The following CCDC158 variants were observed in gnomAD, a reference collection of about 807,000 sequenced individuals.
CCDC158 encodes the protein coiled-coil domain containing 158, also known as coiled-coil domain-containing protein 158.
CCDC158 carries 116 observed loss-of-function variants against 138.6 expected under a neutral mutation model. The observed-to-expected ratio is 0.84, with a 90% CI of 0.72 to 0.98. The LOEUF (loss-of-function observed/expected upper bound fraction) is 0.98, where lower values mean the gene tolerates loss of function less well. Among genes scored for constraint, CCDC158 ranks in the 50% least tolerant of loss-of-function variants. The pLI, the probability that CCDC158 is intolerant of heterozygous loss-of-function variation, is 0.00. For synonymous variants in CCDC158, 436 were observed against 442.4 expected (o/e 0.99, Z 0.18); for missense variants, 1,265 against 1,306.1 (o/e 0.97, Z 0.48).
chr4:76,411,681 T>G (rs1253561854), intron 2 of CCDC158, among the ~76,000 whole-genome samples: 2 of 152,220 alleles, frequency 1.3e-5, no homozygotes, highest in African/African-American at 4.8e-5. Flanking sequence ...ATCAGGAAAC[T>G]TAATTCTGTC....
chr4:76,352,479 T>A (rs1723144082), intron 16 of CCDC158: 1 of 152,084 alleles, frequency 6.6e-6, no homozygotes, highest in South Asian at 2.1e-4. Flanking sequence ...ATATAGCATG[T>A]TTTAAGAAAC....
chr4:76,319,683 A>G (rs1719823758), intron 24 of CCDC158, among the ~76,000 whole-genome samples: 2 of 151,484 alleles, frequency 1.3e-5, no homozygotes, highest in Admixed American at 6.6e-5. Flanking sequence ...AGAATTGAAA[A>G]CAATAATCAT....
chr4:76,349,909 G>T (rs1004545627), intron 18 of CCDC158, among the ~76,000 whole-genome samples: 3 of 152,154 alleles, frequency 2.0e-5, no homozygotes, highest in Admixed American at 6.5e-5. Context: ...GAGAGGAAAA[G>T]ATCAAGGTGC....
At chr4:76,347,541 A>T (rs942449334) in intron 18 of CCDC158, among the ~76,000 whole-genome samples, 4 of 152,110 alleles carry the variant, frequency 2.6e-5, no homozygotes, top group Admixed American at 2.0e-4. Context: ...GGAACATTAC[A>T]CAATAGGGCC....
intron 2 of CCDC158, among the ~76,000 whole-genome samples, chr4:76,406,472 C>A (rs1728836408): frequency 1.3e-5 from 2 of 152,186 alleles, no homozygotes; most frequent in Middle Eastern, 3.4e-3. Flanking sequence ...TAAGGTAGAC[C>A]TTTTGGCTAT....
chr4:76,378,614 T>C (rs1174074971), intron 9 of CCDC158, among the ~76,000 whole-genome samples: 1 of 152,182 alleles, frequency 6.6e-6, no homozygotes, highest in African/African-American at 2.4e-5. Flanking sequence ...TCACAGGGAA[T>C]GAAGACCACC....
intron 7 of CCDC158, among the ~76,000 whole-genome samples, chr4:76,383,231 A>C (rs953036012): frequency 1.3e-5 from 2 of 152,166 alleles, no homozygotes; most frequent in African/African-American, 4.8e-5. Flanking sequence ...TTGCCAAGTC[A>C]GTTTAGTCCT....
At chr4:76,347,358 C>G (rs1412185522) in intron 18 of CCDC158, among the ~76,000 whole-genome samples, 1 of 152,090 alleles carries the variant, frequency 6.6e-6, no homozygotes, top group Admixed American at 6.5e-5. Flanking sequence ...ACATACACAC[C>G]ATGGAACACT....
chr4:76,325,913 C>A lies in CCDC158; in HGVS notation c.3113G>T (p.Gly1038Val), dbSNP rs765282275. ...LLTSSVEGSI[G>V]STSQYRSAKP... is the part of the protein sequence containing the mutation. ...GGCAGATCTATACTGTGATGTGGAA[C>A]CTATTGAACCTTCAACTGAACTAGT... Residue 1038 changes from glycine (G) to valine (V), a missense_variant, in exon 23 of 25, where the codon GGT becomes GTT. Transcript: ENST00000682701. 2.5e-6 allele frequency: 4 copies of A among 1,613,462 alleles called. No homozygotes were observed. The African/African-American group carries it at 4.0e-5, about 16-fold the overall frequency.
chr4:76,357,558 T>C (rs772949724), intron 13 of CCDC158, 32 bp from the exon 14 acceptor site: 11 of 1,327,246 alleles, frequency 8.3e-6, no homozygotes, highest in Non-Finnish European at 1.0e-5. Context: ...AATAGATGGT[T>C]ACTTTTTTCT....
chr4:76,327,226 A>T (rs1720611004), intron 22 of CCDC158, among the ~76,000 whole-genome samples: 1 of 152,186 alleles, frequency 6.6e-6, no homozygotes, highest in Non-Finnish European at 1.5e-5. Context: ...AACTTCACAT[A>T]AATGTTCTTT....
chr4:76,400,258 C>T (rs942559930), intron 3 of CCDC158, among the ~76,000 whole-genome samples: 10 of 152,022 alleles, frequency 6.6e-5, no homozygotes, highest in Non-Finnish European at 1.3e-4. Context: ...TTTGTAGAGA[C>T]ATGGATGAAG....
chr4:76,413,993 G>A (rs1404085024), intron 1 of CCDC158, among the ~76,000 whole-genome samples: 1 of 152,006 alleles, frequency 6.6e-6, no homozygotes, highest in Non-Finnish European at 1.5e-5. Flanking sequence ...CCAGGTGGCT[G>A]TGCAGTGGTG....
intron 9 of CCDC158, among the ~76,000 whole-genome samples, chr4:76,371,897 C>G (rs898318115): frequency 6.9e-6 from 1 of 145,096 alleles, no homozygotes; most frequent in Non-Finnish European, 1.5e-5. Flanking sequence ...AAGATCGTGC[C>G]ATTGCACTTC....
rs1578975838 is a variant in CCDC158, at chr4:76,362,407, T to C, written c.1831-92A>G. ...TAGCTGCTAACACAGTCCTAAAATC[T>C]GACAACAGTCTCCTACTTAATATCC... On this transcript the variant is annotated intron_variant, in intron 12 of 24. Transcript: ENST00000682701. 1.7e-5 allele frequency: 14 copies of C among 838,106 alleles called. No individual in the cohort carries two copies. The East Asian group carries it at 3.8e-4, about 23-fold the overall frequency. The allele number at this position is 838,106 out of a possible 1,614,324, so 51.9% of individuals were successfully genotyped here.
rs1457758914 is a variant in CCDC158 at position 76,348,595 on chromosome 4, T to C, written c.2664+2401A>G. 2.0e-5 allele frequency among the ~76,000 whole-genome samples: 3 copies of C among 151,974 alleles called. No homozygotes were observed. In the East Asian group the frequency reaches 5.8e-4, roughly 29 times the overall value. ...GTGGACCATAACATATACTTAACAA[T>C]ACAAAAAAGTAAAAGATAATATTGA... is the stretch of plus-strand genomic sequence containing the variant. On this transcript the variant is annotated intron_variant, in intron 18 of 24. Transcript: ENST00000682701.
At chr4:76,375,969 G>A (rs756373750) in intron 9 of CCDC158, among the ~76,000 whole-genome samples, 2 of 152,068 alleles carry the variant, frequency 1.3e-5, no homozygotes, top group Non-Finnish European at 2.9e-5. Context: ...ATCTGACCTT[G>A]GGAGAAAATA....
At chr4:76,341,486 T>C (rs977917010) in intron 18 of CCDC158, among the ~76,000 whole-genome samples, 2 of 152,202 alleles carry the variant, frequency 1.3e-5, no homozygotes, top group Non-Finnish European at 2.9e-5. Flanking sequence ...TTACGAAGCA[T>C]TGCTAAAAAT....
intron 1 of CCDC158, among the ~76,000 whole-genome samples, chr4:76,412,819 A>G (rs1472528161): frequency 6.6e-6 from 1 of 152,228 alleles, no homozygotes; most frequent in African/African-American, 2.4e-5. Context: ...GTGTTTAATT[A>G]TATGCTATTG....
Sources: gnomAD v4.1 joint callset for allele counts (sites outside exome capture counted in the v4.1 genomes callset) on GRCh38, gnomAD v4.1.1 for gene constraint, MANE v1.5 for transcripts, NCBI Gene and HGNC (gene_info 2026-07-23, HGNC 2026-07-21) for gene names.